The following THOP1 variants were observed in gnomAD, a reference collection of about 807,000 sequenced individuals.
THOP1 encodes the protein thimet oligopeptidase 1, also known as thimet oligopeptidase.
THOP1 carries 49 observed loss-of-function variants against 71.8 expected under a neutral mutation model. The observed-to-expected ratio is 0.68, with a 90% CI of 0.54 to 0.87. THOP1 has a LOEUF of 0.87. THOP1 is among the 40% of genes least tolerant of loss of function. The pLI is 0.00. For synonymous variants in THOP1, 426 were observed against 421.5 expected (o/e 1.01, Z -0.13); for missense variants, 843 against 975.6 (o/e 0.86, Z 1.81).
At position 2,801,449 on chromosome 19, in the gene THOP1, T is replaced by C. The variant is rs1916142468; in HGVS notation, c.589+1658T>C. ...CTGAGGGGTCTCCCGTGCAGGTGGC[T>C]TGAGTCCCATGTGGCCAGGTGACAC... On this transcript the variant is annotated intron_variant, in intron 5 of 12. Coordinates refer to ENST00000307741, the MANE Select transcript of THOP1 (RefSeq NM_003249.5). This position sits in a 1 kb window ranked among gnomAD's most constrained non-coding sequence, Gnocchi z 5.1. Among the ~76,000 whole-genome samples the C allele has an allele frequency of 2.0e-5, 3 of 152,342 alleles. No individual in the cohort carries two copies.
chr19:2,801,983 G>A lies in THOP1; in HGVS notation c.589+2192G>A, dbSNP rs995885310. ...TCCCAATACCACCATCTCCAACACCGCCATCTCCCGATACCCACATCTCCC... is the reference window on the plus strand; with the variant it reads ...TCCCAATACCACCATCTCCAACACCACCATCTCCCGATACCCACATCTCCC... On this transcript the variant is annotated intron_variant, in intron 5 of 12. Coordinates refer to ENST00000307741, the MANE Select transcript of THOP1 (RefSeq NM_003249.5). This position sits in a 1 kb window ranked among gnomAD's most constrained non-coding sequence, Gnocchi z 5.1. Among the ~76,000 whole-genome samples, 43 of 151,398 alleles carry A rather than the reference G, an allele frequency of 2.8e-4. No homozygotes were observed. The highest frequency in any genetic ancestry group is 5.2e-4 in the Non-Finnish European group (35 of 67,816).
rs570540421 is a variant in THOP1, at chr19:2,807,712, G to A, written c.1157G>A (p.Gly386Asp). 10 of 1,601,614 alleles carry A rather than the reference G, an allele frequency of 6.2e-6. No individual in the cohort carries two copies. The African/African-American group carries it at 1.2e-4, about 19-fold the overall frequency. ...LLGLAFHHEE[G>D]ASAWHEDVRL... ...GGGCTGGCCTTCCACCACGAGGAGG[G>A]CGCCAGTGCCTGGCATGAGGACGTG... The change falls in exon 8 of 13, where the codon GGC becomes GAC. Residue 386 changes from glycine (G) to aspartate (D), a missense_variant. By Grantham distance (94) the Gly-to-Asp change is moderately conservative (BLOSUM62 -1). Coordinates refer to ENST00000307741, the MANE Select transcript of THOP1 (RefSeq NM_003249.5).
chr19:2,809,971 A>G, intron 9 of THOP1: 1 of 392,178 alleles, frequency 2.5e-6, no homozygotes, highest in Non-Finnish European at 4.6e-6. Context: ...CAGCGTCCCC[A>G]CCCGGACCTG....
rs1304934329 is a variant in THOP1, at chr19:2,801,243, C to T, written c.589+1452C>T. On this transcript the variant is annotated intron_variant, in intron 5 of 12. Transcript: ENST00000307741. The surrounding 1 kb of genome is among the most constrained non-coding windows in gnomAD (Gnocchi z 5.1). ...TGAAGCGCGGTGGAAGTTCAGTTGG[C>T]ATCAGCCAGCTGGTTCTGCACAGAC... Among the ~76,000 whole-genome samples, 1 of 152,236 alleles carries T rather than the reference C, an allele frequency of 6.6e-6. No individual in the cohort carries two copies. The highest frequency in any genetic ancestry group is 1.5e-5 in the Non-Finnish European group (1 of 68,046).
rs140904036 is a variant in THOP1, at chr19:2,813,309, C to T, written c.*33C>T. On this transcript the variant is annotated 3_prime_UTR_variant, in exon 13 of 13. Transcript: ENST00000307741. Reference sequence around the variant, plus strand: ...CACTGCGACTGCCCAGTCTGGCCTGCGCTCCCGCCGCCCTGGTGCCTTAGC... The same window carrying T: ...CACTGCGACTGCCCAGTCTGGCCTGTGCTCCCGCCGCCCTGGTGCCTTAGC... 1.5e-3 allele frequency: 2,323 copies of T among 1,567,132 alleles called. 22 individuals carry two copies. In the African/African-American group the frequency reaches 0.027, roughly 19 times the overall value.
chr19:2,813,121 A>T lies in THOP1; in HGVS notation c.1915A>T (p.Met639Leu). ...TGCCCTGTCTCCTCGGCAGGTTGGCATGGATTACAGAAGCTGCATCCTGAG... is the reference window on the plus strand; with the variant it reads ...TGCCCTGTCTCCTCGGCAGGTTGGCTTGGATTACAGAAGCTGCATCCTGAG... The part of the protein sequence containing the change: ...QEGVLNSKVG[M>L]DYRSCILRPG... Residue 639 changes from methionine (M) to leucine (L), a missense_variant, in exon 13 of 13, where the codon ATG (methionine) becomes TTG (leucine). Coordinates refer to ENST00000307741, the MANE Select transcript of THOP1 (RefSeq NM_003249.5). 1.9e-6 allele frequency: 3 copies of T among 1,609,104 alleles called. No individual in the cohort carries two copies. The highest frequency in any genetic ancestry group is 2.5e-6 in the Non-Finnish European group (3 of 1,177,986).
rs778267187 is a variant in THOP1, at chr19:2,796,090, CAGA to C, written c.391_393del (p.Lys131del). The C allele has an allele frequency of 1.9e-6, 3 of 1,613,486 alleles. No individual in the cohort carries two copies. The Admixed American group carries it at 5.0e-5, about 27-fold the overall frequency. On this transcript the variant is annotated inframe_deletion, in exon 4 of 13. Coordinates refer to ENST00000307741, the MANE Select transcript of THOP1 (RefSeq NM_003249.5). Reference sequence around the variant, plus strand: ...GATGTTTTTATTCCAGGAGAAAGTTCAGAAGGACTCACTGAGGCCCGAGGCTGC... The same window carrying C: ...GATGTTTTTATTCCAGGAGAAAGTTCAGGACTCACTGAGGCCCGAGGCTGC...
intron 4 of THOP1, 22 bp from the exon 5 acceptor site, chr19:2,799,667 C>T (rs372334591): frequency 6.2e-7 from 1 of 1,602,614 alleles, no homozygotes; most frequent in African/African-American, 1.3e-5. Context: ...TCCCTCCCCT[C>T]ACGCCCCGCC....
intron 5 of THOP1, among the ~76,000 whole-genome samples, chr19:2,802,257 C>G (rs1916163553): frequency 6.7e-6 from 1 of 148,582 alleles, no homozygotes. Context: ...ACCAACACCT[C>G]CCGACACACC....
intron 4 of THOP1, among the ~76,000 whole-genome samples, chr19:2,798,451 G>A (rs576935424): frequency 2.9e-4 from 44 of 152,344 alleles, no homozygotes; most frequent in Non-Finnish European, 6.2e-4. Flanking sequence ...AGCCCCGCCT[G>A]GAGGACAGAA....
At chr19:2,803,701 A>T (rs531533768) in intron 5 of THOP1, among the ~76,000 whole-genome samples, 8 of 152,300 alleles carry the variant, frequency 5.3e-5, no homozygotes, top group African/African-American at 1.4e-4. Context: ...CTCATGCTGC[A>T]GTCACTCGGC....
In THOP1 at chr19:2,790,511, G is replaced by A. The variant is rs754742578; in HGVS notation, c.107G>A (p.Arg36His). Residue 36 changes from arginine (R) to histidine (H), a missense_variant, in exon 2 of 13, where the codon CGC (arginine) becomes CAC (histidine). Arg to His is a conservative substitution (Grantham distance 29). Transcript: ENST00000307741. ...CTGAGTGCCCAGCAGATAGAGGAGC[G>A]CACCAGGGAGCTCATCGAGCAGACC... ...WDLSAQQIEE[R>H]TRELIEQTKR... 2.1e-5 allele frequency: 34 copies of A among 1,606,954 alleles called. No homozygotes were observed. The highest frequency in any genetic ancestry group is 4.5e-5 in the East Asian group (2 of 44,792).
Position 2,808,446 on chromosome 19 carries a change from T to G in THOP1, c.1455+2T>G. The G allele has an allele frequency of 6.2e-7, 1 of 1,600,108 alleles. No homozygotes were observed. Among genetic ancestry groups the G allele is most frequent in the Non-Finnish European group, 8.5e-7 (1 of 1,171,130 alleles). ...GTGATGCACCAGCTCTGCTCCCAGG[T>G]GGGTGCGGGCCCGGGCAGGGGCAGG... On this transcript the variant is annotated splice_donor_variant, in intron 9 of 12. Transcript: ENST00000307741. LOFTEE classifies it high-confidence loss of function.
chr19:2,796,743 C>A (rs1391769990), intron 4 of THOP1, among the ~76,000 whole-genome samples: 1 of 152,036 alleles, frequency 6.6e-6, no homozygotes, highest in Non-Finnish European at 1.5e-5. Context: ...TCGGGAGCGT[C>A]CCCCCTTCAG....
In THOP1 at chr19:2,801,311, G is replaced by A. The variant is rs1232532762; in HGVS notation, c.589+1520G>A. Among the ~76,000 whole-genome samples, 1 of 152,198 alleles carries A rather than the reference G, an allele frequency of 6.6e-6. No homozygotes were observed. Among genetic ancestry groups the A allele is most frequent in the African/African-American group, 2.4e-5 (1 of 41,452 alleles). On this transcript the variant is annotated intron_variant, in intron 5 of 12. Transcript: ENST00000307741. This position sits in a 1 kb window ranked among gnomAD's most constrained non-coding sequence, Gnocchi z 5.1. ...GTTCCAGCCGGTTTCAGCCAGTTTT[G>A]TTCTTGTCGGCGTTTCAGCTGCCTG...
At chr19:2,791,777 C>T (rs909528826) in intron 2 of THOP1, among the ~76,000 whole-genome samples, 4 of 152,196 alleles carry the variant, frequency 2.6e-5, no homozygotes, top group African/African-American at 9.7e-5. Flanking sequence ...TCCTCCTTCA[C>T]ATGGTGGCGA....
At position 2,785,697 on chromosome 19, in the gene THOP1, G is replaced by T. The variant is rs765718596; in HGVS notation, c.16+19G>T. The T allele has an allele frequency of 1.3e-5, 19 of 1,442,084 alleles. No individual in the cohort carries two copies. The highest frequency in any genetic ancestry group is 2.5e-5 in the Admixed American group (1 of 39,714). 89.3% of individuals were successfully genotyped at this position (1,442,084 alleles called of 1,614,324 possible). ...CCCGCAGGTACCGACTACCCCGCTC[G>T]CCGGACCCGGGCGTCCCCTGCACCC... On this transcript the variant is annotated intron_variant, in intron 1 of 12. Transcript: ENST00000307741.
At chr19:2,812,078 G>A (rs1156601291) in intron 12 of THOP1, 14 of 1,272,104 alleles carry the variant, frequency 1.1e-5, no homozygotes, top group Middle Eastern at 3.9e-4. Flanking sequence ...TGGGAGCTCC[G>A]TGTCTTCCCA....
chr19:2,810,190 G>A (rs944899301), intron 9 of THOP1, 114 bp from the exon 10 acceptor site: 32 of 1,328,814 alleles, frequency 2.4e-5, no homozygotes, highest in African/African-American at 2.9e-5. Flanking sequence ...GCCGGGCCCA[G>A]CGCATCACCT....
Sources: gnomAD v4.1 joint callset for allele counts (sites outside exome capture counted in the v4.1 genomes callset) on GRCh38, gnomAD v4.1.1 for gene constraint, Gnocchi (gnomAD v3.1) non-coding constraint, MANE v1.5 for transcripts, NCBI Gene and HGNC (gene_info 2026-07-23, HGNC 2026-07-21) for gene names.